Variants in NAV2 observed in about 807,000 individuals in gnomAD.
NAV2 encodes the protein helicase, APC down-regulated 1.
NAV2 carries 54 observed loss-of-function variants against 223.2 expected under a neutral mutation model. That is an observed-to-expected ratio of 0.24 (90% CI 0.19 to 0.30). The LOEUF is 0.30. Ranked by LOEUF, NAV2 falls within the 10% of genes least tolerant of loss-of-function variation. The probability of loss-of-function intolerance (pLI) is 1.00; values close to 1 mark genes in which losing one functional copy is unlikely to be tolerated. For missense variants in NAV2, 2,806 were observed against 3,147.5 expected (o/e 0.89, Z 2.60); for synonymous variants, 1,279 against 1,239.3 (o/e 1.03, Z -0.67).
intron 6 of NAV2, among the ~76,000 whole-genome samples, chr11:19,914,673 T>C (rs183092568): frequency 5.3e-5 from 8 of 151,598 alleles, no homozygotes; most frequent in South Asian, 4.2e-4. Flanking sequence ...GCCTCCCGAG[T>C]AGCTGGGACT....
chr11:19,428,444 G>A (rs1264260843), intron 1 of NAV2, among the ~76,000 whole-genome samples: 1 of 152,174 alleles, frequency 6.6e-6, no homozygotes, highest in African/African-American at 2.4e-5. Flanking sequence ...TCAAGCTAGT[G>A]TACCTTCTTG....
At chr11:19,935,790 C>T (rs752081108) in intron 7 of NAV2, among the ~76,000 whole-genome samples, 3 of 150,764 alleles carry the variant, frequency 2.0e-5, no homozygotes, top group Non-Finnish European at 4.4e-5. Flanking sequence ...TGAGAGAGCA[C>T]CAGGGCTTAG....
At chr11:19,400,225 C>T (rs534733255) in intron 1 of NAV2, among the ~76,000 whole-genome samples, 5 of 152,162 alleles carry the variant, frequency 3.3e-5, no homozygotes, top group South Asian at 4.1e-4. Context: ...TTGGAAAATC[C>T]GACGTGGTGT....
intron 1 of NAV2, chr11:19,384,926 T>A (rs1848978247): frequency 6.6e-6 from 1 of 152,152 alleles, no homozygotes; most frequent in Admixed American, 6.5e-5. Context: ...AAAGAATATA[T>A]TTACAATGCA....
Position 19,713,606 on chromosome 11 carries a change from G to A in NAV2, c.-90G>A. 6.9e-7 allele frequency: 1 copy of A among 1,451,444 alleles called. No homozygotes were observed. The highest frequency in any genetic ancestry group is 9.1e-7 in the Non-Finnish European group (1 of 1,101,516). The allele number at this position is 1,451,444 out of a possible 1,614,324, so 89.9% of individuals were successfully genotyped here. ...TGGGCGCCTCGTGGGCTAAGGCCCG[G>A]CGCCTGCTCTGCTACCCGCGCTGCC... On this transcript the variant is annotated 5_prime_UTR_variant, in exon 1 of 38. Coordinates refer to ENST00000349880, the MANE Select transcript of NAV2 (RefSeq NM_145117.5). The surrounding 1 kb of genome is among the most constrained non-coding windows in gnomAD (Gnocchi z 7.2).
At chr11:19,542,313 A>T (rs948199021) in intron 1 of NAV2, among the ~76,000 whole-genome samples, 1 of 152,210 alleles carries the variant, frequency 6.6e-6, no homozygotes, top group African/African-American at 2.4e-5. Flanking sequence ...AATCTTCATA[A>T]TAACCCTCTA....
At position 20,083,033 on chromosome 11, in the gene NAV2, C is replaced by T. The variant is rs757652229; in HGVS notation, c.5352C>T (p.Phe1784=). 13 of 1,613,682 alleles carry T rather than the reference C, an allele frequency of 8.1e-6. No individual in the cohort carries two copies. Among genetic ancestry groups the T allele is most frequent in the South Asian group, 4.4e-5 (4 of 90,976 alleles). ...NWLRSSFKQA[F]GKKKSPKSAS... is the part of the protein sequence containing the mutation. ...TACGCAGCTCCTTCAAGCAAGCTTT[C>T]GGGAAGAAGAAGTCCCCAAAATCTG... The change falls in exon 26 of 38, where the codon TTC becomes TTT. Residue 1784 remains phenylalanine, a synonymous_variant. Coordinates refer to ENST00000349880, the MANE Select transcript of NAV2 (RefSeq NM_145117.5).
chr11:19,726,479 CCAGATA>C (rs2051267760), intron 1 of NAV2, among the ~76,000 whole-genome samples: 1 of 152,218 alleles, frequency 6.6e-6, no homozygotes, highest in Admixed American at 6.5e-5. Context: ...AATGTCTTCC[CCAGATA>C]CCAACAGCAC....
chr11:20,048,721 T>C lies in NAV2; in HGVS notation c.3903-7T>C, dbSNP rs1054695619. On this transcript the variant is annotated splice_polypyrimidine_tract_variant and splice_region_variant and intron_variant, in intron 14 of 37. Transcript: ENST00000349880. ...TTCAACCTACACAACCCTTTGTCTC[T>C]TCACAGACTCTTTGGTGGGAAGCCT... 1.9e-6 allele frequency: 3 copies of C among 1,613,124 alleles called. No homozygotes were observed. Among genetic ancestry groups the C allele is most frequent in the Non-Finnish European group, 2.5e-6 (3 of 1,179,424 alleles).
intron 1 of NAV2, among the ~76,000 whole-genome samples, chr11:19,655,624 A>T (rs757654215): frequency 1.3e-5 from 2 of 151,854 alleles, no homozygotes; most frequent in African/African-American, 2.4e-5. Context: ...CATCATTCTT[A>T]GCAAACTATT....
At chr11:19,652,400 C>T (rs186956067) in intron 1 of NAV2, among the ~76,000 whole-genome samples, 2 of 152,296 alleles carry the variant, frequency 1.3e-5, no homozygotes, top group Admixed American at 6.5e-5. Context: ...CAAGGGTCAG[C>T]TGTGAGGGCT....
At chr11:19,348,423 C>T (rs1378795473), upstream of NAV2, among the ~76,000 whole-genome samples, 1 of 152,172 alleles carries the variant, frequency 6.6e-6, no homozygotes, top group African/African-American at 2.4e-5. Context: ...CAGCAGTACT[C>T]CTTCCAGAGC....
Position 20,121,550 on chromosome 11 carries a change from A to G in NAV2, c.*3292A>G, listed in dbSNP as rs1048741769. On this transcript the variant is annotated 3_prime_UTR_variant, in exon 38 of 38. Coordinates refer to ENST00000349880, the MANE Select transcript of NAV2 (RefSeq NM_145117.5). ...CATAGAGAATAAAGCTGATGATTGT[A>G]CCAGTCTTAAATTATTCATGATTCA... 2 of 152,614 alleles carry G rather than the reference A, an allele frequency of 1.3e-5. No individual in the cohort carries two copies. Among genetic ancestry groups the G allele is most frequent in the Admixed American group, 6.5e-5 (1 of 15,276 alleles). The allele number at this position is 152,614 out of a possible 1,614,324, so 9.5% of individuals were successfully genotyped here. A position where few individuals can be genotyped will look rare whatever the true frequency, so the allele number is the denominator to read the frequency against.
intron 1 of NAV2, among the ~76,000 whole-genome samples, chr11:19,565,703 C>T (rs1336820688): frequency 6.6e-6 from 1 of 152,172 alleles, no homozygotes; most frequent in Non-Finnish European, 1.5e-5. Flanking sequence ...CAGCCCACTC[C>T]CTGCTTTGAA....
At chr11:19,492,972 A>C (rs1179602339) in intron 1 of NAV2, among the ~76,000 whole-genome samples, 1 of 152,204 alleles carries the variant, frequency 6.6e-6, no homozygotes, top group Non-Finnish European at 1.5e-5. Flanking sequence ...TAATGTCTCT[A>C]TCACTGGAGC....
At position 19,577,974 on chromosome 11, in the gene NAV2, A is replaced by G. The variant is rs144032369; in HGVS notation, c.75+226947A>G. Among the ~76,000 whole-genome samples the G allele has an allele frequency of 3.3e-5, 5 of 152,352 alleles. No homozygotes were observed. The East Asian group carries it at 9.6e-4, about 29-fold the overall frequency. Reference sequence around the variant, plus strand: ...CATTTTGTTTTGCTCAAGGCTTTTCATGCCTGCAAGGGGAGGAAAGAAAGG... The same window carrying G: ...CATTTTGTTTTGCTCAAGGCTTTTCGTGCCTGCAAGGGGAGGAAAGAAAGG... On this transcript the variant is annotated intron_variant, in intron 1 of 37. Transcript: ENST00000360655.
At chr11:19,895,579 G>A (rs1023503278) in intron 6 of NAV2, among the ~76,000 whole-genome samples, 2 of 152,130 alleles carry the variant, frequency 1.3e-5, no homozygotes, top group African/African-American at 4.8e-5. Flanking sequence ...CTGTTATGAG[G>A]ATAAGGTACC....
At chr11:20,108,975 G>A (rs983196751) in intron 36 of NAV2, among the ~76,000 whole-genome samples, 5 of 152,134 alleles carry the variant, frequency 3.3e-5, no homozygotes, top group African/African-American at 7.2e-5. Flanking sequence ...TGTTTCCTTG[G>A]TACTGGACAG....
At position 19,680,405 on chromosome 11, in the gene NAV2, T is replaced by A. The variant is rs188241916; in HGVS notation, c.76-152079T>A. ...TAAAGACTCAGTCTGAATCACTGTT[T>A]ATTGTTTTTAAGGGTTTTTTTCCCC... On this transcript the variant is annotated intron_variant, in intron 1 of 37. Coordinates refer to the NAV2 transcript ENST00000360655. 1.4e-4 allele frequency among the ~76,000 whole-genome samples: 21 copies of A among 152,122 alleles called. 1 individual carries two copies. The highest frequency in any genetic ancestry group is 1.4e-3 in the Admixed American group (21 of 15,304).
Sources: allele counts gnomAD v4.1 joint callset (sites outside exome capture counted in the v4.1 genomes callset), GRCh38; gene constraint gnomAD v4.1.1; non-coding constraint Gnocchi (gnomAD v3.1); transcripts MANE v1.5; gene names NCBI Gene and HGNC (gene_info 2026-07-23, HGNC 2026-07-21).